The following USP25 variants were observed in gnomAD, a reference collection of about 807,000 sequenced individuals.
USP25 encodes ubiquitin carboxyl-terminal hydrolase 25.
A neutral mutation model predicts 158.5 loss-of-function variants in USP25; 85 were observed. The observed-to-expected ratio is 0.54, with a 90% CI of 0.45 to 0.64. USP25 has a LOEUF of 0.64. Ranked by LOEUF, USP25 falls within the 30% of genes least tolerant of loss-of-function variation. The pLI is 0.00. For missense variants in USP25, 1,242 were observed against 1,327.3 expected, an observed-to-expected ratio of 0.94 and a Z score of 1.00; for synonymous variants, 464 against 460.4, an observed-to-expected ratio of 1.01 and a Z score of -0.10.
At chr21:15,739,901 C>G (rs187847098) in intron 1 of USP25, among the ~76,000 whole-genome samples, 52 of 152,298 alleles carry the variant, frequency 3.4e-4, no homozygotes, top group African/African-American at 1.2e-3. Context: ...AGGACATCAT[C>G]CTTGTCATGA....
intron 5 of USP25, among the ~76,000 whole-genome samples, chr21:15,792,464 G>A (rs2035641142): frequency 6.6e-6 from 1 of 151,542 alleles, no homozygotes; most frequent in Non-Finnish European, 1.5e-5. Context: ...TCGTTTTTGT[G>A]TGACAGTTGA....
chr21:15,866,105 C>G (rs1601175470), intron 21 of USP25, among the ~76,000 whole-genome samples, 161 bp from the exon 22 acceptor site: 1 of 151,830 alleles, frequency 6.6e-6, no homozygotes, highest in Non-Finnish European at 1.5e-5. Flanking sequence ...ACATTGGTCC[C>G]AAAAATGTTT....
chr21:15,749,028 T>C (rs1013453592), intron 1 of USP25, among the ~76,000 whole-genome samples: 2 of 152,180 alleles, frequency 1.3e-5, no homozygotes, highest in African/African-American at 4.8e-5. Context: ...TTTTTTAATT[T>C]TTTTTTCTTA....
At chr21:15,771,716 C>G (rs561709602) in intron 3 of USP25, among the ~76,000 whole-genome samples, 4 of 149,848 alleles carry the variant, frequency 2.7e-5, no homozygotes, top group Non-Finnish European at 5.9e-5. Flanking sequence ...TTCTGTCAAT[C>G]TCCCAAAACA....
rs114625411 is a variant in USP25 at position 15,772,350 on chromosome 21, C to T, written c.269-5554C>T. ...GGAAAAATGTTTTAATTTGGACTCT[C>T]ATAAAAATGTAGATTACTGCTTAGA... On this transcript the variant is annotated intron_variant, in intron 3 of 25. Transcript: ENST00000400183. Among the ~76,000 whole-genome samples the T allele has an allele frequency of 2.3e-3, 345 of 152,264 alleles. 2 individuals are homozygous for T. The highest frequency in any genetic ancestry group is 8.0e-3 in the African/African-American group (332 of 41,538).
intron 4 of USP25, among the ~76,000 whole-genome samples, chr21:15,785,287 C>T (rs911352468): frequency 2.0e-5 from 3 of 152,074 alleles, no homozygotes; most frequent in Non-Finnish European, 2.9e-5. Flanking sequence ...AAATAGACTC[C>T]AGTACAACAA....
At chr21:15,835,439 C>CT (rs58770974) in intron 17 of USP25, among the ~76,000 whole-genome samples, 11,590 of 152,140 alleles carry the variant, frequency 0.076, 508 homozygotes, top group East Asian at 0.099. Flanking sequence ...CATTTGTCAT[C>CT]TTTTTTCTTT....
At chr21:15,842,130 C>T (rs966135766) in intron 17 of USP25, among the ~76,000 whole-genome samples, 78 of 152,260 alleles carry the variant, frequency 5.1e-4, no homozygotes, top group African/African-American at 1.9e-3. Context: ...TGTTATTTCT[C>T]ATGGCAGAAA....
intron 9 of USP25, among the ~76,000 whole-genome samples, chr21:15,814,720 A>G (rs1024088869): frequency 2.0e-5 from 3 of 152,190 alleles, no homozygotes; most frequent in Non-Finnish European, 2.9e-5. Context: ...CTAAGCAGCA[A>G]AGCATTCAAG....
intron 23 of USP25, among the ~76,000 whole-genome samples, chr21:15,870,851 A>G (rs534213273): frequency 1.4e-4 from 22 of 152,268 alleles, no homozygotes; most frequent in African/African-American, 5.1e-4. Context: ...TTAGGTAATG[A>G]TGCTTCTTTT....
intron 9 of USP25, among the ~76,000 whole-genome samples, chr21:15,815,913 G>A (rs569399240): frequency 1.3e-5 from 2 of 152,156 alleles, no homozygotes; most frequent in South Asian, 4.1e-4. Context: ...ATGTGGTTTG[G>A]ACTGTGGACT....
chr21:15,868,473 C>T (rs1307401159), intron 22 of USP25, among the ~76,000 whole-genome samples: 2 of 152,180 alleles, frequency 1.3e-5, no homozygotes, highest in Non-Finnish European at 2.9e-5. Context: ...TTTGCTTCAA[C>T]AGATTGGACT....
In USP25 at chr21:15,824,934, C is replaced by T. The variant is rs769690047; in HGVS notation, c.1209-32C>T. Reference sequence around the variant, plus strand: ...ATATTGCATCTACTTTCATGATATTCGGAAATGCTAATGATTACCTTTTTC... The same window carrying T: ...ATATTGCATCTACTTTCATGATATTTGGAAATGCTAATGATTACCTTTTTC... On this transcript the variant is annotated intron_variant, in intron 11 of 25. Coordinates refer to ENST00000400183, the MANE Select transcript of USP25 (RefSeq NM_001283041.3). 1.1e-5 allele frequency: 17 copies of T among 1,543,872 alleles called. 1 individual carries two copies. Among genetic ancestry groups the T allele is most frequent in the African/African-American group, 6.8e-5 (5 of 73,180 alleles).
At chr21:15,859,991 A>T (rs867901489) in intron 20 of USP25, among the ~76,000 whole-genome samples, 55 of 131,092 alleles carry the variant, frequency 4.2e-4, no homozygotes, top group Non-Finnish European at 6.9e-4. Context: ...ATATATCTAT[A>T]TTTTTTTTTT....
intron 6 of USP25, 39 bp downstream of exon 6, chr21:15,799,882 C>T (rs770485216): frequency 3.3e-5 from 45 of 1,371,504 alleles, no homozygotes; most frequent in Non-Finnish European, 4.2e-5. Flanking sequence ...TATATATACT[C>T]TATATGTTCT....
At chr21:15,855,155 TA>T (rs1209599635) in intron 20 of USP25, among the ~76,000 whole-genome samples, 7 of 152,204 alleles carry the variant, frequency 4.6e-5, no homozygotes, top group Non-Finnish European at 8.8e-5. Context: ...TAAAAGACAT[TA>T]AAATTTCTTT....
At chr21:15,871,370 T>G (rs1428518756) in intron 23 of USP25, among the ~76,000 whole-genome samples, 1 of 152,188 alleles carries the variant, frequency 6.6e-6, no homozygotes, top group Non-Finnish European at 1.5e-5. Flanking sequence ...ATATTTGTGC[T>G]GATTTGAGAA....
intron 20 of USP25, among the ~76,000 whole-genome samples, chr21:15,854,287 A>G (rs999067326): frequency 6.6e-6 from 1 of 152,052 alleles, no homozygotes; most frequent in Admixed American, 6.6e-5. Flanking sequence ...CTGAGACTAC[A>G]GGGGCCCGCC....
chr21:15,743,661 CTATCTA>C, intron 1 of USP25, among the ~76,000 whole-genome samples: 1 of 152,280 alleles, frequency 6.6e-6, no homozygotes, highest in Admixed American at 6.5e-5. Context: ...GCTGTGGACT[CTATCTA>C]TATCTAGAAC....
Sources: gnomAD v4.1 joint callset for allele counts (sites outside exome capture counted in the v4.1 genomes callset) on GRCh38, gnomAD v4.1.1 for gene constraint, MANE v1.5 for transcripts, NCBI Gene and HGNC (gene_info 2026-07-23, HGNC 2026-07-21) for gene names.